Variants in NRG1 observed in about 807,000 individuals in gnomAD.
NRG1 encodes the protein pro-neuregulin-1, membrane-bound isoform.
Under a neutral mutation model 63.8 loss-of-function variants are expected in NRG1, and 18 were observed. The observed-to-expected ratio is 0.28, with a 90% confidence interval of 0.19 to 0.42. The LOEUF is 0.42. Ranked by LOEUF, NRG1 falls within the 10% of genes least tolerant of loss-of-function variation. NRG1 has a pLI of 1.00. For missense variants in NRG1, 762 were observed against 814.7 expected (o/e 0.94, Z 0.79); for synonymous variants, 302 against 301.3 (o/e 1.00, Z -0.02).
At chr8:32,737,950 G>T (rs7840503) in intron 6 of NRG1, among the ~76,000 whole-genome samples, 21,267 of 152,056 alleles carry the variant, frequency 0.14, 1,775 homozygotes, top group East Asian at 0.36. Flanking sequence ...TGGGATTACG[G>T]GTCTTAGCCA....
intron 1 of NRG1, among the ~76,000 whole-genome samples, chr8:32,286,691 C>A (rs1403842551): frequency 1.3e-5 from 2 of 152,144 alleles, no homozygotes; most frequent in Admixed American, 1.3e-4. Context: ...CTACCCTTTA[C>A]CTTCCACCAT....
At chr8:32,296,477 G>A (rs1016847967) in intron 1 of NRG1, among the ~76,000 whole-genome samples, 1 of 151,964 alleles carries the variant, frequency 6.6e-6, no homozygotes, top group Non-Finnish European at 1.5e-5. Context: ...AGCTAGGCAT[G>A]GTGTCAGGTG....
At chr8:31,743,510 C>T (rs759028730) in intron 1 of NRG1, among the ~76,000 whole-genome samples, 1 of 151,822 alleles carries the variant, frequency 6.6e-6, no homozygotes, top group Non-Finnish European at 1.5e-5. Context: ...GACTAGTTAC[C>T]ATGGTCATCA....
At chr8:32,331,127 G>A (rs1173103017) in intron 1 of NRG1, among the ~76,000 whole-genome samples, 4 of 151,812 alleles carry the variant, frequency 2.6e-5, no homozygotes, top group East Asian at 3.9e-4. Flanking sequence ...GAGTCGTTAC[G>A]CAAGTCTTCA....
intron 1 of NRG1, among the ~76,000 whole-genome samples, chr8:32,265,897 TTTATG>T (rs1397617186): frequency 6.6e-6 from 1 of 152,070 alleles, no homozygotes; most frequent in Non-Finnish European, 1.5e-5. Flanking sequence ...TTAGATAGCA[TTTATG>T]TTATATTAGG....
chr8:31,647,202 A>G (rs1434729251), intron 1 of NRG1, among the ~76,000 whole-genome samples: 2 of 152,232 alleles, frequency 1.3e-5, no homozygotes, highest in Non-Finnish European at 2.9e-5. Context: ...GTGATACTTT[A>G]TGTTGAAATT....
intron 1 of NRG1, among the ~76,000 whole-genome samples, chr8:31,651,090 A>G (rs927606234): frequency 6.6e-6 from 1 of 152,192 alleles, no homozygotes; most frequent in Non-Finnish European, 1.5e-5. Context: ...AGGAGAACAC[A>G]TGTGGGAAAA....
At chr8:31,733,816 G>T (rs1814368537) in intron 1 of NRG1, among the ~76,000 whole-genome samples, 1 of 152,112 alleles carries the variant, frequency 6.6e-6, no homozygotes, top group South Asian at 2.1e-4. Flanking sequence ...ACATGACTCT[G>T]CTGTCAGCTT....
intron 1 of NRG1, among the ~76,000 whole-genome samples, chr8:32,453,039 G>A (rs1821161908): frequency 1.3e-5 from 2 of 152,114 alleles, no homozygotes; most frequent in African/African-American, 4.8e-5. Flanking sequence ...ATTCCAAGAA[G>A]TACTAACAAA....
At chr8:32,758,726 C>G (rs1210146758) in intron 9 of NRG1, among the ~76,000 whole-genome samples, 4 of 151,944 alleles carry the variant, frequency 2.6e-5, no homozygotes, top group African/African-American at 9.7e-5. Flanking sequence ...TGTTAAGTCC[C>G]TTATCAGTAG....
At chr8:32,034,293 A>G (rs902058763) in intron 1 of NRG1, among the ~76,000 whole-genome samples, 40 of 152,224 alleles carry the variant, frequency 2.6e-4, no homozygotes, top group African/African-American at 8.2e-4. Context: ...CATACCAACA[A>G]TTAAGCCAAC....
intron 1 of NRG1, among the ~76,000 whole-genome samples, chr8:32,539,929 T>G (rs1046735779): frequency 6.6e-6 from 1 of 152,156 alleles, no homozygotes; most frequent in African/African-American, 2.4e-5. Flanking sequence ...AGAGTTCAGA[T>G]GACAATTTGG....
chr8:32,340,519 A>G (rs976283367), intron 1 of NRG1, among the ~76,000 whole-genome samples: 1 of 152,196 alleles, frequency 6.6e-6, no homozygotes, highest in African/African-American at 2.4e-5. Context: ...TGGTAAAAGG[A>G]GACCTGAGAA....
chr8:32,743,591 T>TATATATATATATATATATATATAAA (rs1564087671), intron 7 of NRG1, among the ~76,000 whole-genome samples: 2 of 145,734 alleles, frequency 1.4e-5, no homozygotes, highest in African/African-American at 5.0e-5. Context: ...TATATATATA[T>TATATATATATATATATATATATAAA]ATATAAAACT....
intron 1 of NRG1, among the ~76,000 whole-genome samples, chr8:32,087,482 CTTTTTT>C (rs67438409): frequency 1.1e-5 from 1 of 90,278 alleles, no homozygotes; most frequent in Non-Finnish European, 2.1e-5. Flanking sequence ...TCTTTTCTTT[CTTTTTT>C]TTTTTTTTTT....
chr8:32,612,776 C>T (rs569320904), intron 3 of NRG1, among the ~76,000 whole-genome samples: 1 of 152,012 alleles, frequency 6.6e-6, no homozygotes, highest in Admixed American at 6.6e-5. Flanking sequence ...GGGACTTCTG[C>T]CCAGCTCTAG....
At chr8:31,993,136 T>C (rs2129632866) in intron 1 of NRG1, among the ~76,000 whole-genome samples, 1 of 152,064 alleles carries the variant, frequency 6.6e-6, no homozygotes, top group African/African-American at 2.4e-5. Flanking sequence ...ACAAAGTCTG[T>C]GGGGTTGACT....
At chr8:31,967,543 G>T (rs1393475393) in intron 1 of NRG1, among the ~76,000 whole-genome samples, 1 of 152,164 alleles carries the variant, frequency 6.6e-6, no homozygotes, top group Non-Finnish European at 1.5e-5. Context: ...AAGAGCCCTG[G>T]ATAAGTAGTT....
At chr8:32,151,744 G>A (rs1345281500) in intron 1 of NRG1, among the ~76,000 whole-genome samples, 2 of 152,170 alleles carry the variant, frequency 1.3e-5, no homozygotes, top group Admixed American at 1.3e-4. Context: ...GGGCAGATCA[G>A]ATCTAGAGCC....
Sources: allele counts gnomAD v4.1 joint callset (sites outside exome capture counted in the v4.1 genomes callset), GRCh38; gene constraint gnomAD v4.1.1; transcripts MANE v1.5; gene names NCBI Gene and HGNC (gene_info 2026-07-23, HGNC 2026-07-21).